The following SLC28A3 variants were observed in gnomAD, a reference collection of about 807,000 sequenced individuals.
SLC28A3 encodes the protein solute carrier family 28 member 3.
SLC28A3 carries 68 observed loss-of-function variants against 84.2 expected under a neutral mutation model. The ratio of observed to expected loss-of-function variants is 0.81; its 90% CI spans 0.66 to 0.99. SLC28A3 has a LOEUF of 0.99. Ranked by LOEUF, SLC28A3 falls within the 50% of genes least tolerant of loss-of-function variation. The pLI, the probability that SLC28A3 is intolerant of heterozygous loss-of-function variation, is 0.00. For missense variants in SLC28A3, 712 were observed against 841.5 expected (o/e 0.85, Z 1.90); for synonymous variants, 267 against 303.6 (o/e 0.88, Z 1.25).
In SLC28A3 at chr9:84,294,285, CAGAAACAAACATGGATTAATG is replaced by C. The variant is rs1266925957; in HGVS notation, c.862-31_862-11del. 7.4e-6 allele frequency: 12 copies of C among 1,613,790 alleles called. No homozygotes were observed. Among genetic ancestry groups the C allele is most frequent in the African/African-American group, 2.7e-5 (2 of 74,932 alleles). ...CCACGATCGGCAGGACCTGTGGGGACAGAAACAAACATGGATTAATGATGGGTCCAGCTGCACCAGCAGGTT... is the reference window on the plus strand; with the variant it reads ...CCACGATCGGCAGGACCTGTGGGGACATGGGTCCAGCTGCACCAGCAGGTT... On this transcript the variant is annotated splice_polypyrimidine_tract_variant and intron_variant, in intron 8 of 17. Transcript: ENST00000376238.
At chr9:84,302,076 C>A in intron 5 of SLC28A3, 124 bp downstream of exon 5, 1 of 833,514 alleles carries the variant, frequency 1.2e-6, no homozygotes, top group Non-Finnish European at 1.9e-6. Flanking sequence ...CAGATTACTT[C>A]CTAGGGTGTT....
chr9:84,294,680 A>G (rs1478156023), intron 8 of SLC28A3, among the ~76,000 whole-genome samples: 3 of 152,026 alleles, frequency 2.0e-5, no homozygotes, highest in Non-Finnish European at 4.4e-5. Flanking sequence ...GTAGCTGTAG[A>G]GATCAGGTAA....
the SLC28A3 span, among the ~76,000 whole-genome samples, chr9:84,358,325 G>A: frequency 7.9e-5 from 12 of 152,228 alleles, no homozygotes; most frequent in Middle Eastern, 3.4e-3. Flanking sequence ...CTTGCAAACA[G>A]CATGCAGTTT....
At position 84,278,166 on chromosome 9, in the gene SLC28A3, G is replaced by T; in HGVS notation, c.*52C>A. 2 of 1,557,568 alleles carry T rather than the reference G, an allele frequency of 1.3e-6. No individual in the cohort carries two copies. Among genetic ancestry groups the T allele is most frequent in the Admixed American group, 1.9e-5 (1 of 51,464 alleles). On this transcript the variant is annotated 3_prime_UTR_variant, in exon 18 of 18. Transcript: ENST00000376238. ...AGCTTCTTTTTTTTTTCTTTCCAAAGCAGAAAATTCAGCATCTGTACTTCA... is the reference window on the plus strand; with the variant it reads ...AGCTTCTTTTTTTTTTCTTTCCAAATCAGAAAATTCAGCATCTGTACTTCA...
the SLC28A3 span, among the ~76,000 whole-genome samples, chr9:84,346,977 C>T: frequency 6.6e-6 from 1 of 152,028 alleles, no homozygotes; most frequent in Non-Finnish European, 1.5e-5. Flanking sequence ...GAGTTCAAGA[C>T]CAGCCTGGCC....
intron 14 of SLC28A3, among the ~76,000 whole-genome samples, chr9:84,281,501 G>T (rs1335015223): frequency 2.0e-5 from 3 of 152,216 alleles, no homozygotes; most frequent in Non-Finnish European, 4.4e-5. Context: ...TGACAAGGAT[G>T]TGAAGTGACT....
At chr9:84,364,146 A>G in the SLC28A3 span, among the ~76,000 whole-genome samples, 2 of 103,376 alleles carry the variant, frequency 1.9e-5, no homozygotes, top group Non-Finnish European at 3.6e-5. Context: ...TTTTTTTGAG[A>G]TGGCGTCTTG....
Position 84,276,586 on chromosome 9 carries a change from G to A in SLC28A3, c.*1632C>T, listed in dbSNP as rs1278646298. 6.6e-6 allele frequency: 1 copy of A among 152,074 alleles called. No individual in the cohort carries two copies. Among genetic ancestry groups the A allele is most frequent in the Non-Finnish European group, 1.5e-5 (1 of 68,020 alleles). The allele number at this position is 152,074 out of a possible 1,614,324, so 9.4% of individuals were successfully genotyped here. A position where few individuals can be genotyped will look rare whatever the true frequency, so the allele number is the denominator to read the frequency against. On this transcript the variant is annotated 3_prime_UTR_variant, in exon 18 of 18. Transcript: ENST00000376238. ...CAGGACACCAAACATTGAGAATGGG[G>A]GGAAAACATGCAAATATATTTTCCT...
chr9:84,323,185 AC>A (rs1485931741), intron 1 of SLC28A3, among the ~76,000 whole-genome samples: 1 of 152,198 alleles, frequency 6.6e-6, no homozygotes, highest in Admixed American at 6.5e-5. Context: ...AGCATCCCCA[AC>A]TAAATGGTTG....
In SLC28A3 at chr9:84,332,301, A is replaced by G. The variant is rs1473894343; in HGVS notation, c.60+8273T>C. On this transcript the variant is annotated intron_variant, in intron 1 of 17. Transcript: ENST00000376238. ...AAGACAGTGATGGTGTAAGAGCTAA[A>G]TCCTCATCTGTCATATCAAGAAATC... is the stretch of plus-strand genomic sequence containing the variant. Among the ~76,000 whole-genome samples the G allele has an allele frequency of 2.6e-5, 4 of 152,202 alleles. 1 individual carries two copies. Among genetic ancestry groups the G allele is most frequent in the Non-Finnish European group, 5.9e-5 (4 of 68,040 alleles).
At position 84,279,533 on chromosome 9, in the gene SLC28A3, C is replaced by T. The variant is rs557217660; in HGVS notation, c.1829-148G>A. ...CTCTGCTCACTGCAACCTCTGCCTCCCGGGTTCAAGCGATTCAAGTGCCTC... is the reference window on the plus strand; with the variant it reads ...CTCTGCTCACTGCAACCTCTGCCTCTCGGGTTCAAGCGATTCAAGTGCCTC... On this transcript the variant is annotated intron_variant, in intron 16 of 17. Coordinates refer to ENST00000376238, the MANE Select transcript of SLC28A3 (RefSeq NM_001199633.2). 5.6e-4 allele frequency: 305 copies of T among 540,396 alleles called. 1 individual carries two copies. In the African/African-American group the frequency reaches 5.7e-3, roughly 10 times the overall value. 33.5% of individuals were successfully genotyped at this position (540,396 alleles called of 1,614,324 possible).
chr9:84,297,394 C>T (rs369747898), intron 7 of SLC28A3, 96 bp from the exon 8 acceptor site: 1 of 929,366 alleles, frequency 1.1e-6, no homozygotes, highest in African/African-American at 1.6e-5. Context: ...ACGGACCCAG[C>T]AAATGTGTTG....
chr9:84,322,123 C>T (rs1292707936), intron 1 of SLC28A3, among the ~76,000 whole-genome samples: 1 of 152,238 alleles, frequency 6.6e-6, no homozygotes, highest in Non-Finnish European at 1.5e-5. Flanking sequence ...AAGAGGCTAA[C>T]AACACCTGTC....
the SLC28A3 span, among the ~76,000 whole-genome samples, chr9:84,361,911 A>AAAATAAATAAATAAATAAATAAATAAAT: frequency 1.9e-3 from 284 of 151,120 alleles, 1 homozygote; most frequent in African/African-American, 2.1e-3. Context: ...TCTGTCTCTA[A>AAAATAAATAAATAAATAAATAAATAAAT]AAATAAATAA....
intron 4 of SLC28A3, among the ~76,000 whole-genome samples, chr9:84,303,518 C>A (rs1825697929): frequency 6.6e-6 from 1 of 152,170 alleles, no homozygotes; most frequent in Admixed American, 6.5e-5. Flanking sequence ...CGGGGTTTCA[C>A]CATGTTGGTT....
At chr9:84,299,225 G>T (rs1451090133) in intron 6 of SLC28A3, among the ~76,000 whole-genome samples, 1 of 152,202 alleles carries the variant, frequency 6.6e-6, no homozygotes, top group Non-Finnish European at 1.5e-5. Flanking sequence ...TCGATGAACT[G>T]CAGGATCCAA....
chr9:84,352,134 A>G, the SLC28A3 span, among the ~76,000 whole-genome samples: 1 of 152,152 alleles, frequency 6.6e-6, no homozygotes, highest in East Asian at 1.9e-4. Context: ...GTCTCAAACT[A>G]TATATTATCC....
chr9:84,333,885 C>A (rs896739053), intron 1 of SLC28A3, among the ~76,000 whole-genome samples: 2 of 152,162 alleles, frequency 1.3e-5, no homozygotes, highest in Non-Finnish European at 2.9e-5. Context: ...CTCCAAAAAC[C>A]CCAAACTTAA....
At chr9:84,343,857 A>G (rs983163470), upstream of SLC28A3, among the ~76,000 whole-genome samples, 1 of 152,192 alleles carries the variant, frequency 6.6e-6, no homozygotes, top group Non-Finnish European at 1.5e-5. Flanking sequence ...TTGGGAAGCC[A>G]AGATGGGAGA....
Sources: allele counts gnomAD v4.1 joint callset (sites outside exome capture counted in the v4.1 genomes callset), GRCh38; gene constraint gnomAD v4.1.1; transcripts MANE v1.5; gene names NCBI Gene and HGNC (gene_info 2026-07-23, HGNC 2026-07-21).